The following MYPN variants were observed in gnomAD, a reference collection of about 807,000 sequenced individuals.
The protein encoded by MYPN is myopalladin.
In MYPN, 63 loss-of-function variants were observed where a neutral mutation model predicts 129.4. The observed-to-expected ratio is 0.49, with a 90% CI of 0.40 to 0.60. MYPN has a LOEUF of 0.60. Among genes scored for constraint, MYPN ranks in the 20% least tolerant of loss-of-function variants. MYPN has a pLI of 0.00. For synonymous variants in MYPN, 629 were observed against 600.9 expected, an observed-to-expected ratio of 1.05 and a Z score of -0.68; for missense variants, 1,596 against 1,635.4, an observed-to-expected ratio of 0.98 and a Z score of 0.42.
intron 1 of MYPN, among the ~76,000 whole-genome samples, chr10:68,111,720 G>A (rs1270323658): frequency 6.6e-6 from 1 of 152,188 alleles, no homozygotes; most frequent in Admixed American, 6.5e-5. Context: ...AGTTCTCAGA[G>A]TTCATGTATA....
At chr10:68,168,230 T>C (rs1321065993) in intron 10 of MYPN, among the ~76,000 whole-genome samples, 1 of 152,164 alleles carries the variant, frequency 6.6e-6, no homozygotes, top group Non-Finnish European at 1.5e-5. Flanking sequence ...GGTGACCTCC[T>C]GCCCCCTCCC....
chr10:68,101,448 A>G (rs973206079), upstream of MYPN, among the ~76,000 whole-genome samples: 2 of 152,154 alleles, frequency 1.3e-5, no homozygotes, highest in African/African-American at 4.8e-5. Context: ...ATCCTTGATG[A>G]AAATTTGCTC....
intron 6 of MYPN, among the ~76,000 whole-genome samples, chr10:68,150,539 G>GAGA: frequency 6.8e-6 from 1 of 147,730 alleles, no homozygotes; most frequent in African/African-American, 2.5e-5. Flanking sequence ...AGGACAAAGA[G>GAGA]CTTTCTTTTT....
rs188675076 is a variant in MYPN, at chr10:68,166,144, C to A, written c.1601-150C>A. ...AATTTAATTTTTTCCTGTATCCTTACCATTCTTTAATGCCCAGATGATGAT... is the reference window on the plus strand; with the variant it reads ...AATTTAATTTTTTCCTGTATCCTTAACATTCTTTAATGCCCAGATGATGAT... On this transcript the variant is annotated intron_variant, in intron 9 of 19. Transcript: ENST00000358913. 4.0e-5 allele frequency: 36 copies of A among 900,994 alleles called. No homozygotes were observed. The African/African-American group carries it at 5.4e-4, about 14-fold the overall frequency. 55.8% of individuals were successfully genotyped at this position (900,994 alleles called of 1,614,324 possible). A position where few individuals can be genotyped will look rare whatever the true frequency, so the allele number is the denominator to read the frequency against.
chr10:68,176,479 C>T (rs576158418), intron 12 of MYPN, among the ~76,000 whole-genome samples: 8 of 152,146 alleles, frequency 5.3e-5, no homozygotes, highest in Non-Finnish European at 1.0e-4. Flanking sequence ...ACAAAGCTCT[C>T]GACTTCCCAG....
intron 1 of MYPN, among the ~76,000 whole-genome samples, chr10:68,114,758 G>A (rs2042131383): frequency 6.6e-6 from 1 of 152,122 alleles, no homozygotes; most frequent in South Asian, 2.1e-4. Context: ...AGTAAAATAA[G>A]CTGTCTATGT....
Position 68,210,325 on chromosome 10 carries a change from G to C in MYPN, c.3833G>C (p.Arg1278Pro), listed in dbSNP as rs142877365. ...HHQIPPPMSVRPSGSRYGSLT... is the reference protein window; with the variant it reads ...HHQIPPPMSVPPSGSRYGSLT... Reference sequence around the variant, plus strand: ...CAGATCCCACCGCCCATGTCTGTCCGGCCCAGTGGCAGTCGCTACGGATCT... The same window carrying C: ...CAGATCCCACCGCCCATGTCTGTCCCGCCCAGTGGCAGTCGCTACGGATCT... Residue 1278 changes from arginine to proline, a missense_variant, in exon 20 of 20, where the codon CGG becomes CCG. Transcript: ENST00000358913. The C allele has an allele frequency of 2.5e-6, 4 of 1,613,930 alleles. No individual in the cohort carries two copies. The South Asian group carries it at 3.3e-5, about 13-fold the overall frequency.
Position 68,129,595 on chromosome 10 carries a change from A to T in MYPN, c.902+7255A>T, listed in dbSNP as rs553871392. Among the ~76,000 whole-genome samples, 9 of 152,342 alleles carry T rather than the reference A, an allele frequency of 5.9e-5. No homozygotes were observed. In the East Asian group the frequency reaches 1.5e-3, roughly 26 times the overall value. ...TTCCTGGTGAATGAGTGCGTTGGGC[A>T]TAAAATTGCTGGCAGACTATGTATA... On this transcript the variant is annotated intron_variant, in intron 2 of 19. Transcript: ENST00000358913.
chr10:68,175,499 A>T (rs1224541376), intron 12 of MYPN, 38 bp downstream of exon 12: 2 of 1,610,112 alleles, frequency 1.2e-6, no homozygotes, highest in Middle Eastern at 1.7e-4. Context: ...TTGAAATTTT[A>T]TTGTAAGGAA....
At chr10:68,196,158 T>G (rs951700235) in intron 15 of MYPN, among the ~76,000 whole-genome samples, 1 of 152,218 alleles carries the variant, frequency 6.6e-6, no homozygotes, top group Non-Finnish European at 1.5e-5. Context: ...CCTGCACACA[T>G]AATATGTAAA....
intron 1 of MYPN, among the ~76,000 whole-genome samples, chr10:68,121,011 G>A (rs2042232630): frequency 6.6e-6 from 1 of 152,166 alleles, no homozygotes; most frequent in African/African-American, 2.4e-5. Context: ...GGGCACAGTG[G>A]CTCACCCCTA....
At chr10:68,149,232 C>G (rs996101910) in intron 5 of MYPN, among the ~76,000 whole-genome samples, 7 of 152,036 alleles carry the variant, frequency 4.6e-5, no homozygotes, top group South Asian at 2.1e-4. Flanking sequence ...CCCACTCCCC[C>G]CCGAAAAATG....
At chr10:68,141,533 T>A in intron 2 of MYPN, among the ~76,000 whole-genome samples, 1 of 152,252 alleles carries the variant, frequency 6.6e-6, no homozygotes, top group East Asian at 1.9e-4. Flanking sequence ...CTTTTTATTA[T>A]GTTGATTAAT....
At chr10:68,197,788 C>T (rs1033311969) in intron 16 of MYPN, among the ~76,000 whole-genome samples, 6 of 152,120 alleles carry the variant, frequency 3.9e-5, no homozygotes, top group Admixed American at 6.6e-5. Flanking sequence ...GAGGGGCCCG[C>T]GTTCCAAGCC....
At chr10:68,120,781 A>G (rs2042229677) in intron 1 of MYPN, among the ~76,000 whole-genome samples, 1 of 152,198 alleles carries the variant, frequency 6.6e-6, no homozygotes, top group Admixed American at 6.5e-5. Context: ...TGTATAACTA[A>G]AAGACCATTA....
chr10:68,202,796 G>A (rs1037697390), intron 18 of MYPN, among the ~76,000 whole-genome samples: 1 of 151,220 alleles, frequency 6.6e-6, no homozygotes, highest in Non-Finnish European at 1.5e-5. Flanking sequence ...AATTGCCCCA[G>A]AGAATGCTGT....
intron 2 of MYPN, among the ~76,000 whole-genome samples, chr10:68,130,676 T>G (rs959073734): frequency 6.6e-6 from 1 of 152,182 alleles, no homozygotes; most frequent in Admixed American, 6.5e-5. Flanking sequence ...GTTTTTGTAG[T>G]TCGCATCTAG....
chr10:68,194,558 C>T (rs748027405), intron 14 of MYPN, 46 bp downstream of exon 14: 20 of 1,598,990 alleles, frequency 1.3e-5, no homozygotes, highest in East Asian at 1.1e-4. Flanking sequence ...GAGGAAGGAG[C>T]GGTTGATGTC....
At chr10:68,134,197 G>A (rs2042451268) in intron 2 of MYPN, among the ~76,000 whole-genome samples, 1 of 152,084 alleles carries the variant, frequency 6.6e-6, no homozygotes, top group South Asian at 2.1e-4. Flanking sequence ...CTCCCTACTA[G>A]TCTCACTACT....
Sources: gnomAD v4.1 joint callset for allele counts (sites outside exome capture counted in the v4.1 genomes callset) on GRCh38, gnomAD v4.1.1 for gene constraint, MANE v1.5 for transcripts, NCBI Gene and HGNC (gene_info 2026-07-23, HGNC 2026-07-21) for gene names.